CAMK1D: variants seen among roughly 807,000 people sequenced by gnomAD.
CAMK1D encodes the protein calcium/calmodulin dependent protein kinase ID.
A neutral mutation model predicts 47.7 loss-of-function variants in CAMK1D; 9 were observed. That is an observed-to-expected ratio of 0.19 (90% CI 0.11 to 0.33). The LOEUF (loss-of-function observed/expected upper bound fraction) is 0.33. CAMK1D is among the 10% of genes least tolerant of loss of function. The pLI is 1.00. For missense variants in CAMK1D, 291 were observed against 488.7 expected, an observed-to-expected ratio of 0.60 and a Z score of 3.81; for synonymous variants, 184 against 184.9, an observed-to-expected ratio of 0.99 and a Z score of 0.04.
intron 1 of CAMK1D, among the ~76,000 whole-genome samples, chr10:12,479,543 C>T (rs888794469): frequency 4.6e-5 from 7 of 152,186 alleles, no homozygotes; most frequent in Non-Finnish European, 7.4e-5. Context: ...CTGCTGCCGC[C>T]GCTGCTGTGG....
chr10:12,762,065 G>A (rs1289113689), intron 4 of CAMK1D, among the ~76,000 whole-genome samples: 1 of 152,162 alleles, frequency 6.6e-6, no homozygotes, highest in Non-Finnish European at 1.5e-5. Flanking sequence ...AAACACAATA[G>A]TACTGAAGGG....
At chr10:12,401,108 T>A (rs866372672) in intron 1 of CAMK1D, among the ~76,000 whole-genome samples, 2,144 of 62,098 alleles carry the variant, frequency 0.035, 86 homozygotes, top group Non-Finnish European at 0.042. Context: ...TATATATATT[T>A]TATATATATA....
chr10:12,672,764 C>G (rs185208883), intron 3 of CAMK1D, among the ~76,000 whole-genome samples: 52 of 152,076 alleles, frequency 3.4e-4, no homozygotes, highest in African/African-American at 1.3e-3. Context: ...TGTCATAGGG[C>G]TATCCAGTTT....
chr10:12,525,105 A>G (rs888575968), intron 1 of CAMK1D, among the ~76,000 whole-genome samples: 1 of 151,998 alleles, frequency 6.6e-6, no homozygotes, highest in African/African-American at 2.4e-5. Flanking sequence ...TTCTCGTCAC[A>G]TTTTCCTGTA....
intron 1 of CAMK1D, among the ~76,000 whole-genome samples, chr10:12,395,894 T>C (rs1838930637): frequency 6.6e-6 from 1 of 151,066 alleles, no homozygotes; most frequent in Non-Finnish European, 1.5e-5. Flanking sequence ...ACCACTGCAC[T>C]CCAGCCTGGG....
chr10:12,675,940 G>A (rs902857573), intron 3 of CAMK1D, among the ~76,000 whole-genome samples: 2 of 151,478 alleles, frequency 1.3e-5, no homozygotes, highest in African/African-American at 4.9e-5. Flanking sequence ...CTTTTTTTAT[G>A]TTTTGTTTGT....
At chr10:12,403,254 G>A (rs952599947) in intron 1 of CAMK1D, among the ~76,000 whole-genome samples, 1 of 152,152 alleles carries the variant, frequency 6.6e-6, no homozygotes, top group African/African-American at 2.4e-5. Flanking sequence ...GTTGGCATCC[G>A]CTTGCCAGCT....
At chr10:12,375,731 C>T (rs1838158028) in intron 1 of CAMK1D, among the ~76,000 whole-genome samples, 3 of 152,290 alleles carry the variant, frequency 2.0e-5, no homozygotes, top group South Asian at 4.1e-4. Flanking sequence ...GGGTTTCCTC[C>T]TCTCAAACAC....
At chr10:12,503,023 T>G (rs1360716957) in intron 1 of CAMK1D, among the ~76,000 whole-genome samples, 2 of 151,032 alleles carry the variant, frequency 1.3e-5, no homozygotes, top group African/African-American at 4.9e-5. Flanking sequence ...CGTGTATATA[T>G]GCATGTGTGT....
At chr10:12,689,239 T>A (rs1832779507) in intron 3 of CAMK1D, among the ~76,000 whole-genome samples, 1 of 152,168 alleles carries the variant, frequency 6.6e-6, no homozygotes, top group Non-Finnish European at 1.5e-5. Flanking sequence ...CTCAGTTCTC[T>A]CCTCCTGCCC....
rs575601147 is a variant in CAMK1D, at chr10:12,815,961, C to T, written c.755-289C>T. Among the ~76,000 whole-genome samples, 3 of 152,314 alleles carry T rather than the reference C, an allele frequency of 2.0e-5. No individual in the cohort carries two copies. The South Asian group carries it at 6.2e-4, about 32-fold the overall frequency. On this transcript the variant is annotated intron_variant, in intron 7 of 10. Transcript: ENST00000619168. The stretch of plus-strand genomic sequence containing the variant: ...GCACATGATAACAAAGATATTTCTT[C>T]TCTTCTCTCAACCAAAGGTATCACT...
intron 1 of CAMK1D, among the ~76,000 whole-genome samples, chr10:12,357,462 C>G (rs1056058158): frequency 6.6e-6 from 1 of 152,094 alleles, no homozygotes; most frequent in African/African-American, 2.4e-5. Flanking sequence ...ACTACAGGCG[C>G]GTACTACCAC....
chr10:12,366,994 T>C (rs1837856338), intron 1 of CAMK1D, among the ~76,000 whole-genome samples: 1 of 152,180 alleles, frequency 6.6e-6, no homozygotes, highest in East Asian at 1.9e-4. Context: ...CTTATTCTCA[T>C]GGTCCCCATC....
intron 5 of CAMK1D, among the ~76,000 whole-genome samples, chr10:12,776,311 G>A (rs1352587602): frequency 2.0e-5 from 3 of 152,234 alleles, no homozygotes; most frequent in African/African-American, 7.2e-5. Context: ...TGTCTTTGCT[G>A]GAGGTGGAAG....
At chr10:12,534,357 C>T (rs1364793960) in intron 1 of CAMK1D, among the ~76,000 whole-genome samples, 1 of 151,870 alleles carries the variant, frequency 6.6e-6, no homozygotes, top group African/African-American at 2.4e-5. Flanking sequence ...TTATAGGCAC[C>T]CACCACCAGA....
At chr10:12,381,946 T>G (rs1443617206) in intron 1 of CAMK1D, among the ~76,000 whole-genome samples, 2 of 152,178 alleles carry the variant, frequency 1.3e-5, no homozygotes, top group Non-Finnish European at 2.9e-5. Context: ...ACTGTTTTGC[T>G]ATATACTCAC....
chr10:12,736,090 C>A (rs1260299054), intron 3 of CAMK1D, among the ~76,000 whole-genome samples: 1 of 152,212 alleles, frequency 6.6e-6, no homozygotes, highest in Non-Finnish European at 1.5e-5. Flanking sequence ...TGTGGCCTTT[C>A]TTCATCCAGA....
chr10:12,603,538 C>A (rs1470790699), intron 2 of CAMK1D, among the ~76,000 whole-genome samples: 2 of 152,220 alleles, frequency 1.3e-5, no homozygotes, highest in African/African-American at 4.8e-5. Flanking sequence ...TTCTCACCTG[C>A]CTTCCTCCAG....
At chr10:12,751,733 TA>T (rs1448930216) in intron 3 of CAMK1D, among the ~76,000 whole-genome samples, 2 of 152,116 alleles carry the variant, frequency 1.3e-5, no homozygotes, top group African/African-American at 4.8e-5. Flanking sequence ...TGAGTACGGG[TA>T]GAAAGACAAA....
Sources: allele counts gnomAD v4.1 joint callset (sites outside exome capture counted in the v4.1 genomes callset), GRCh38; gene constraint gnomAD v4.1.1; transcripts MANE v1.5; gene names NCBI Gene and HGNC (gene_info 2026-07-23, HGNC 2026-07-21).